Variants in PRR16 observed in about 807,000 individuals in gnomAD.
The protein encoded by PRR16 is proline rich 16, also known as protein Largen.
A neutral mutation model predicts 18.2 loss-of-function variants in PRR16; 6 were observed. That is an observed-to-expected ratio of 0.33 (90% confidence interval 0.18 to 0.65). The LOEUF (loss-of-function observed/expected upper bound fraction) is 0.65. Ranked by LOEUF, PRR16 falls within the 30% of genes least tolerant of loss-of-function variation. The pLI is 0.74. For synonymous variants in PRR16, 151 were observed against 147.8 expected (o/e 1.02, Z -0.16); for missense variants, 412 against 376.6 (o/e 1.09, Z -0.78).
intron 1 of PRR16, among the ~76,000 whole-genome samples, chr5:120,646,207 A>C (rs1755597232): frequency 6.6e-6 from 1 of 151,394 alleles, no homozygotes; most frequent in Non-Finnish European, 1.5e-5. Context: ...GTGTCAAAAA[A>C]TTTTCAGTCA....
At chr5:120,490,329 T>G (rs1749981762) in intron 1 of PRR16, among the ~76,000 whole-genome samples, 1 of 152,216 alleles carries the variant, frequency 6.6e-6, no homozygotes, top group Non-Finnish European at 1.5e-5. Flanking sequence ...AGTCCCATAT[T>G]TCTTGGAGGC....
chr5:120,693,494 A>T, the PRR16 span, among the ~76,000 whole-genome samples: 2 of 152,246 alleles, frequency 1.3e-5, no homozygotes. Context: ...GGCAAAACGG[A>T]TATGCAATTT....
intron 1 of PRR16, among the ~76,000 whole-genome samples, chr5:120,591,338 A>T (rs1753629019): frequency 6.6e-6 from 1 of 152,020 alleles, no homozygotes; most frequent in Admixed American, 6.6e-5. Flanking sequence ...CTTTTATAAC[A>T]AGTCGTCGAT....
chr5:120,594,534 A>G (rs1346748216), intron 1 of PRR16, among the ~76,000 whole-genome samples: 1 of 152,140 alleles, frequency 6.6e-6, no homozygotes, highest in East Asian at 1.9e-4. Flanking sequence ...ATACTGCCCA[A>G]AGCAATTTAC....
downstream of PRR16, among the ~76,000 whole-genome samples, chr5:120,687,820 C>T (rs1229291476): frequency 6.6e-6 from 1 of 152,150 alleles, no homozygotes; most frequent in African/African-American, 2.4e-5. Flanking sequence ...AATAAAAATC[C>T]TCCTCTTCCG....
At chr5:120,743,950 T>C in the PRR16 span, among the ~76,000 whole-genome samples, 1 of 152,044 alleles carries the variant, frequency 6.6e-6, no homozygotes, top group Non-Finnish European at 1.5e-5. Context: ...TCAGTAGCAG[T>C]GTAGCATTGG....
intron 1 of PRR16, among the ~76,000 whole-genome samples, chr5:120,568,863 G>GA (rs900700979): frequency 1.3e-5 from 2 of 152,054 alleles, no homozygotes; most frequent in African/African-American, 4.8e-5. Flanking sequence ...GCTAAATTTA[G>GA]AAAAAACAGT....
At chr5:120,696,647 G>A in the PRR16 span, among the ~76,000 whole-genome samples, 2 of 152,106 alleles carry the variant, frequency 1.3e-5, no homozygotes, top group African/African-American at 4.8e-5. Flanking sequence ...TAGAGAAGAT[G>A]GACTGCTACA....
intron 1 of PRR16, among the ~76,000 whole-genome samples, chr5:120,548,634 G>C (rs1752150716): frequency 6.6e-6 from 1 of 151,994 alleles, no homozygotes; most frequent in Non-Finnish European, 1.5e-5. Flanking sequence ...TAGCCCTCAA[G>C]TTTTGTGCTT....
At chr5:120,720,116 G>A in the PRR16 span, among the ~76,000 whole-genome samples, 1 of 152,050 alleles carries the variant, frequency 6.6e-6, no homozygotes, top group Admixed American at 6.6e-5. Flanking sequence ...TGGCAAGAGT[G>A]AAGTAATTAT....
chr5:120,758,041 C>T, the PRR16 span, among the ~76,000 whole-genome samples: 1 of 143,126 alleles, frequency 7.0e-6, no homozygotes, highest in African/African-American at 2.5e-5. Context: ...GTCAAGACTT[C>T]ATTAACATGT....
At chr5:120,752,151 T>TA in the PRR16 span, among the ~76,000 whole-genome samples, 2 of 152,034 alleles carry the variant, frequency 1.3e-5, no homozygotes, top group Admixed American at 6.6e-5. Flanking sequence ...GAAGACTTGC[T>TA]AAAAAAACTG....
At chr5:120,500,376 C>A (rs1750406414) in intron 1 of PRR16, among the ~76,000 whole-genome samples, 1 of 152,204 alleles carries the variant, frequency 6.6e-6, no homozygotes, top group Admixed American at 6.5e-5. Context: ...ATCACCCTTT[C>A]GAAGTGTCTT....
intron 1 of PRR16, among the ~76,000 whole-genome samples, chr5:120,590,840 A>C (rs1753609752): frequency 1.3e-5 from 2 of 152,288 alleles, no homozygotes; most frequent in South Asian, 4.1e-4. Flanking sequence ...TATGAATAAA[A>C]TGAATGTGTA....
chr5:120,787,434 T>G, the PRR16 span, among the ~76,000 whole-genome samples: 1 of 152,166 alleles, frequency 6.6e-6, no homozygotes, highest in South Asian at 2.1e-4. Flanking sequence ...TCCTTTAATA[T>G]CCAATCTTAG....
chr5:120,650,243 A>G (rs1442636035), intron 1 of PRR16, among the ~76,000 whole-genome samples: 1 of 151,658 alleles, frequency 6.6e-6, no homozygotes, highest in Non-Finnish European at 1.5e-5. Context: ...GAAAGAAAAA[A>G]TCTGAAACAT....
At chr5:120,793,845 G>C in the PRR16 span, among the ~76,000 whole-genome samples, 1 of 152,068 alleles carries the variant, frequency 6.6e-6, no homozygotes, top group African/African-American at 2.4e-5. Flanking sequence ...TATTTTGCTT[G>C]CAGGGCACAA....
At chr5:120,754,589 T>G in the PRR16 span, among the ~76,000 whole-genome samples, 4 of 112,152 alleles carry the variant, frequency 3.6e-5, no homozygotes, top group African/African-American at 1.4e-4. Flanking sequence ...TTATATATTA[T>G]ATATAATATA....
chr5:120,635,931 C>A lies in PRR16; in HGVS notation c.160-50023C>A, dbSNP rs910131307. On this transcript the variant is annotated intron_variant, in intron 1 of 1. Coordinates refer to ENST00000407149, the MANE Select transcript of PRR16 (RefSeq NM_001300783.2). Reference sequence around the variant, plus strand: ...GTGAATTCAGCAAAGTTTCAGGATACAAAATAAATATACAAAAATTAGTAG... The same window carrying A: ...GTGAATTCAGCAAAGTTTCAGGATAAAAAATAAATATACAAAAATTAGTAG... Among the ~76,000 whole-genome samples the A allele has an allele frequency of 3.3e-5, 5 of 151,994 alleles. No individual in the cohort carries two copies. In the South Asian group the frequency reaches 1.0e-3, roughly 31 times the overall value.
Sources: gnomAD v4.1 joint callset for allele counts (sites outside exome capture counted in the v4.1 genomes callset) on GRCh38, gnomAD v4.1.1 for gene constraint, MANE v1.5 for transcripts, NCBI Gene and HGNC (gene_info 2026-07-23, HGNC 2026-07-21) for gene names.